Variants in CCDC192 observed in about 807,000 individuals in gnomAD.
The protein encoded by CCDC192 is coiled-coil domain-containing protein 192.
At chr5:127,868,203 A>G (rs1751696834) in intron 5 of CCDC192, among the ~76,000 whole-genome samples, 1 of 151,696 alleles carries the variant, frequency 6.6e-6, no homozygotes, top group Non-Finnish European at 1.5e-5. Context: ...GGAACCTTAC[A>G]CTTAAAAAAT....
At chr5:127,861,073 A>G (rs1217515014) in intron 5 of CCDC192, among the ~76,000 whole-genome samples, 1 of 152,034 alleles carries the variant, frequency 6.6e-6, no homozygotes, top group Non-Finnish European at 1.5e-5. Context: ...CAATGGCGCA[A>G]TCTTGGCTCA....
chr5:127,901,355 A>T (rs564834453), intron 6 of CCDC192, among the ~76,000 whole-genome samples: 2 of 152,226 alleles, frequency 1.3e-5, no homozygotes, highest in Admixed American at 6.5e-5. Context: ...AAAAAAAGTA[A>T]TCATTAGGCA....
chr5:127,923,927 C>T (rs141069860), intron 6 of CCDC192, among the ~76,000 whole-genome samples: 1,670 of 152,308 alleles, frequency 0.011, 34 homozygotes, highest in African/African-American at 0.038. Context: ...CCAGAGAAGC[C>T]AACCTGGCTC....
At chr5:127,893,386 T>C (rs1752785700) in intron 6 of CCDC192, among the ~76,000 whole-genome samples, 1 of 152,322 alleles carries the variant, frequency 6.6e-6, no homozygotes, top group East Asian at 1.9e-4. Flanking sequence ...ATAAAGCATC[T>C]GACACACAGA....
intron 6 of CCDC192, among the ~76,000 whole-genome samples, chr5:127,937,904 A>G (rs1754229555): frequency 6.6e-6 from 1 of 152,226 alleles, no homozygotes; most frequent in Admixed American, 6.5e-5. Flanking sequence ...AACTCATTCT[A>G]AAAGCAGAGG....
Position 127,815,651 on chromosome 5 carries a change from G to A in CCDC192, c.411+17489G>A, listed in dbSNP as rs60480448. Among the ~76,000 whole-genome samples, 360 of 152,122 alleles carry A rather than the reference G, an allele frequency of 2.4e-3. 2 individuals are homozygous for A. Among genetic ancestry groups the A allele is most frequent in the African/African-American group, 8.2e-3 (339 of 41,504 alleles). On this transcript the variant is annotated intron_variant, in intron 5 of 6. Transcript: ENST00000514853. Reference sequence around the variant, plus strand: ...TGGGAGGCTGAGACGGGTGGGTCACGAGGTCAGGAGATCAAAACCATCCTG... The same window carrying A: ...TGGGAGGCTGAGACGGGTGGGTCACAAGGTCAGGAGATCAAAACCATCCTG...
At chr5:127,939,110 CTTTTTTTTT>C (rs59545987) in intron 6 of CCDC192, among the ~76,000 whole-genome samples, 4 of 83,620 alleles carry the variant, frequency 4.8e-5, no homozygotes, top group Admixed American at 1.7e-4. Flanking sequence ...AAACCAACAT[CTTTTTTTTT>C]TTTTTTTTTT....
rs112713204 is a variant in CCDC192, at chr5:127,887,847, GCGCT to G, written c.535+12188_535+12191del. 5.0e-3 allele frequency among the ~76,000 whole-genome samples: 758 copies of G among 151,704 alleles called. 9 individuals carry two copies. Among genetic ancestry groups the G allele is most frequent in the African/African-American group, 0.018 (739 of 41,406 alleles). On this transcript the variant is annotated intron_variant, in intron 6 of 6. Coordinates refer to ENST00000514853, the MANE Select transcript of CCDC192 (RefSeq NM_001317938.2). ...GCCTCCCAAGTAGCTGGGACTACAG[GCGCT>G]CACCACCATGCCCGACTAATTTTTT...
At chr5:127,855,776 C>T (rs919701019) in intron 5 of CCDC192, among the ~76,000 whole-genome samples, 2 of 152,188 alleles carry the variant, frequency 1.3e-5, no homozygotes, top group Non-Finnish European at 2.9e-5. Flanking sequence ...TCTATCAGAG[C>T]TCTTGGGTGA....
chr5:127,734,423 G>C (rs1253287480), intron 2 of CCDC192, among the ~76,000 whole-genome samples: 1 of 151,160 alleles, frequency 6.6e-6, no homozygotes, highest in African/African-American at 2.4e-5. Flanking sequence ...ATGATTTATA[G>C]TCCTTTGGGT....
At chr5:127,733,321 T>C (rs953131547) in intron 2 of CCDC192, among the ~76,000 whole-genome samples, 4 of 152,156 alleles carry the variant, frequency 2.6e-5, no homozygotes, top group Non-Finnish European at 5.9e-5. Flanking sequence ...ATTTTCTTTT[T>C]ACTTGCTACT....
chr5:127,860,278 A>C (rs1427368679), intron 5 of CCDC192, among the ~76,000 whole-genome samples: 1 of 152,234 alleles, frequency 6.6e-6, no homozygotes, highest in African/African-American at 2.4e-5. Flanking sequence ...TACATACTCC[A>C]TAAATGTTTG....
upstream of CCDC192, among the ~76,000 whole-genome samples, chr5:127,702,483 G>A (rs17606222): frequency 0.024 from 3,673 of 152,190 alleles, 66 homozygotes; most frequent in South Asian, 0.048. Context: ...TTGAAGTTTT[G>A]TTGAAGAAGT....
At chr5:127,746,942 T>A (rs1478756114) in intron 2 of CCDC192, among the ~76,000 whole-genome samples, 1 of 152,096 alleles carries the variant, frequency 6.6e-6, no homozygotes, top group African/African-American at 2.4e-5. Context: ...CTGGTTTCAT[T>A]TACCACCAGA....
At chr5:127,711,939 GT>G (rs1751359438) in intron 2 of CCDC192, among the ~76,000 whole-genome samples, 2 of 152,036 alleles carry the variant, frequency 1.3e-5, no homozygotes, top group South Asian at 4.2e-4. Flanking sequence ...AAGTTGATGA[GT>G]TTTGATACCA....
intron 2 of CCDC192, among the ~76,000 whole-genome samples, chr5:127,722,179 T>A (rs1386908997): frequency 6.6e-6 from 1 of 152,222 alleles, no homozygotes; most frequent in Non-Finnish European, 1.5e-5. Context: ...AGATGATATC[T>A]CATGTAGTTT....
chr5:127,887,496 C>T (rs1752603371), intron 6 of CCDC192, among the ~76,000 whole-genome samples: 1 of 152,094 alleles, frequency 6.6e-6, no homozygotes, highest in Non-Finnish European at 1.5e-5. Flanking sequence ...CTTCCAGTCC[C>T]TTTATCCCAG....
intron 2 of CCDC192, among the ~76,000 whole-genome samples, chr5:127,723,673 A>G (rs1479121028): frequency 2.0e-5 from 3 of 152,222 alleles, no homozygotes; most frequent in African/African-American, 7.2e-5. Context: ...TCTCTTTGAG[A>G]GGCTTTCTCT....
intron 6 of CCDC192, among the ~76,000 whole-genome samples, chr5:127,901,082 A>G (rs1057140338): frequency 2.0e-5 from 3 of 152,224 alleles, no homozygotes; most frequent in Non-Finnish European, 2.9e-5. Context: ...ATTAGTCAAA[A>G]CAGTGGGACA....
Sources: gnomAD v4.1 joint callset for allele counts (sites outside exome capture counted in the v4.1 genomes callset) on GRCh38, gnomAD v4.1.1 for gene constraint, MANE v1.5 for transcripts, NCBI Gene and HGNC (gene_info 2026-07-23, HGNC 2026-07-21) for gene names.